Variants in NINJ2 observed in about 807,000 individuals in gnomAD.
NINJ2 encodes ninjurin 2, also known as ninjurin-2.
NINJ2 carries 12 observed loss-of-function variants against 11.7 expected under a neutral mutation model. The observed-to-expected ratio is 1.02, with a 90% CI of 0.66 to 1.66. The LOEUF (loss-of-function observed/expected upper bound fraction) is 1.66. Among genes scored for constraint, NINJ2 ranks in the 40% most tolerant of loss-of-function variants. The pLI, the probability that NINJ2 is intolerant of heterozygous loss-of-function variation, is 0.00. For missense variants in NINJ2, 187 were observed against 181.8 expected (o/e 1.03, Z -0.16); for synonymous variants, 93 against 76.8 (o/e 1.21, Z -1.10).
rs117684671 is a variant in NINJ2 at position 617,473 on chromosome 12, T to C, written c.33+45855A>G. Among the ~76,000 whole-genome samples the C allele has an allele frequency of 4.3e-3, 655 of 152,336 alleles. 33 individuals are homozygous for C. In the East Asian group the frequency reaches 0.11, roughly 25 times the overall value. On this transcript the variant is annotated intron_variant, in intron 1 of 3. Transcript: ENST00000305108. ...CCAGACCTGCCTCCACAACAGCTGA[T>C]GAGGCAAGTGTCCTGGCTGAAGCGC...
At chr12:603,316 A>G (rs938947814) in intron 1 of NINJ2, among the ~76,000 whole-genome samples, 1 of 152,232 alleles carries the variant, frequency 6.6e-6, no homozygotes, top group African/African-American at 2.4e-5. Flanking sequence ...TATTCTGTAT[A>G]CAAGTCCCTT....
chr12:659,654 C>T (rs891572777), intron 1 of NINJ2, among the ~76,000 whole-genome samples: 4 of 152,232 alleles, frequency 2.6e-5, no homozygotes, highest in African/African-American at 9.6e-5. Context: ...CCACTCTTCA[C>T]AGCCAGCTGT....
At chr12:638,543 A>G (rs1358130937) in intron 1 of NINJ2, among the ~76,000 whole-genome samples, 2 of 152,126 alleles carry the variant, frequency 1.3e-5, no homozygotes, top group South Asian at 2.1e-4. Flanking sequence ...AGCCTCCCAA[A>G]TGGCTGGGAC....
chr12:597,843 G>A (rs1218389805), intron 1 of NINJ2, among the ~76,000 whole-genome samples: 3 of 152,264 alleles, frequency 2.0e-5, no homozygotes, highest in Admixed American at 2.0e-4. Context: ...TGGAGGGTCT[G>A]GGGCATTGTT....
rs1948236770 is a variant in NINJ2, at chr12:628,747, GA to G, written c.33+34580del. Among the ~76,000 whole-genome samples, 1 of 152,134 alleles carries G rather than the reference GA, an allele frequency of 6.6e-6. No individual in the cohort carries two copies. The highest frequency in any genetic ancestry group is 6.5e-5 in the Admixed American group (1 of 15,274). On this transcript the variant is annotated intron_variant, in intron 1 of 3. Transcript: ENST00000305108. The surrounding 1 kb of genome is among the most constrained non-coding windows in gnomAD (Gnocchi z 4.4). ...GCCTGCCAAAACCCACCAAAACCAA[GA>G]TGGCAATGAAAGTGACCACTGGTTG... is the stretch of plus-strand genomic sequence containing the variant.
intron 1 of NINJ2, among the ~76,000 whole-genome samples, chr12:662,216 C>T (rs1033894634): frequency 5.3e-5 from 8 of 152,204 alleles, no homozygotes; most frequent in African/African-American, 9.6e-5. Context: ...GCAAGCCTTG[C>T]GGTGGGACCG....
At chr12:634,590 G>T (rs576255481) in intron 1 of NINJ2, among the ~76,000 whole-genome samples, 1 of 152,092 alleles carries the variant, frequency 6.6e-6, no homozygotes, top group East Asian at 1.9e-4. Flanking sequence ...TGCAGTAAAG[G>T]CCAAACACAC....
intron 1 of NINJ2, among the ~76,000 whole-genome samples, chr12:598,100 C>T (rs1210148268): frequency 1.3e-5 from 2 of 152,108 alleles, no homozygotes; most frequent in African/African-American, 4.8e-5. Context: ...AGCTTGTTAA[C>T]GGGTGGGAAA....
At chr12:662,409 C>CGAGAGAGAGAGAGAGAGA (rs111778018) in intron 1 of NINJ2, among the ~76,000 whole-genome samples, 127 of 147,516 alleles carry the variant, frequency 8.6e-4, no homozygotes, top group African/African-American at 2.7e-3. Flanking sequence ...ACACAGAGAA[C>CGAGAGAGAGAGAGAGAGA]GAGAGAGAGA....
At position 601,272 on chromosome 12, in the gene NINJ2, C is replaced by A. The variant is rs189617836; in HGVS notation, c.34-35094G>T. On this transcript the variant is annotated intron_variant, in intron 1 of 3. Coordinates refer to ENST00000305108, the MANE Select transcript of NINJ2 (RefSeq NM_016533.6). ...CTTTAAAAAAATAAAACAGGCCGGG[C>A]GCAGTGGCTCACGCCTGTAATCCCA... Among the ~76,000 whole-genome samples the A allele has an allele frequency of 6.3e-4, 96 of 152,124 alleles. No individual in the cohort carries two copies. In the East Asian group the frequency reaches 0.011, roughly 17 times the overall value.
chr12:624,447 T>C (rs1233234507), intron 1 of NINJ2, among the ~76,000 whole-genome samples: 1 of 152,168 alleles, frequency 6.6e-6, no homozygotes, highest in African/African-American at 2.4e-5. Context: ...GAGATCTGGA[T>C]TCACTTTCAA....
At chr12:576,069 C>T (rs1254130399) in intron 1 of NINJ2, among the ~76,000 whole-genome samples, 1 of 152,218 alleles carries the variant, frequency 6.6e-6, no homozygotes, top group East Asian at 1.9e-4. Flanking sequence ...TCAACAGTCT[C>T]TAATCCACGT....
At chr12:598,104 T>G (rs1407804145) in intron 1 of NINJ2, among the ~76,000 whole-genome samples, 1 of 152,028 alleles carries the variant, frequency 6.6e-6, no homozygotes, top group Non-Finnish European at 1.5e-5. Context: ...TGTTAACGGG[T>G]GGGAAAGGGA....
Position 580,690 on chromosome 12 carries a change from T to C in NINJ2, c.34-14512A>G, listed in dbSNP as rs558826898. Among the ~76,000 whole-genome samples, 1 of 152,298 alleles carries C rather than the reference T, an allele frequency of 6.6e-6. No homozygotes were observed. Among genetic ancestry groups the C allele is most frequent in the South Asian group, 2.1e-4 (1 of 4,830 alleles). On this transcript the variant is annotated intron_variant, in intron 1 of 3. Coordinates refer to ENST00000305108, the MANE Select transcript of NINJ2 (RefSeq NM_016533.6). This position sits in a 1 kb window ranked among gnomAD's most constrained non-coding sequence, Gnocchi z 4.7. ...GGTGAGCTGAACTCCATGAACCTCT[T>C]CTGTGGCACCTTCTGGGGGTGCCTG...
intron 1 of NINJ2, 54 bp from the exon 2 acceptor site, chr12:566,232 T>A: frequency 6.8e-7 from 1 of 1,462,362 alleles, no homozygotes; most frequent in South Asian, 1.2e-5. Context: ...GGGAAGCAGT[T>A]GAGAGGTGGG....
intron 1 of NINJ2, among the ~76,000 whole-genome samples, chr12:604,440 C>G (rs189826202): frequency 5.3e-5 from 8 of 152,082 alleles, no homozygotes; most frequent in African/African-American, 1.9e-4. Context: ...GAGTTCGAGA[C>G]GAGCCTGGTC....
intron 1 of NINJ2, among the ~76,000 whole-genome samples, chr12:619,658 C>T (rs1187241690): frequency 6.6e-6 from 1 of 152,192 alleles, no homozygotes; most frequent in Non-Finnish European, 1.5e-5. Context: ...AAGAGAGGGG[C>T]TTACACATTC....
rs1025927877 is a variant in NINJ2 at position 633,676 on chromosome 12, G to A, written c.33+29652C>T. ...ACTAAAATACAAAAATTAGCTGAGC[G>A]TGGTGCCACATGCCTGTAGTCCCAG... is the stretch of plus-strand genomic sequence containing the variant. On this transcript the variant is annotated intron_variant, in intron 1 of 3. Transcript: ENST00000305108. This position sits in a 1 kb window ranked among gnomAD's most constrained non-coding sequence, Gnocchi z 4.3. 1.3e-5 allele frequency among the ~76,000 whole-genome samples: 2 copies of A among 152,116 alleles called. No homozygotes were observed. The highest frequency in any genetic ancestry group is 6.5e-5 in the Admixed American group (1 of 15,270).
At chr12:600,267 G>T (rs1242598832) in intron 1 of NINJ2, among the ~76,000 whole-genome samples, 5 of 152,132 alleles carry the variant, frequency 3.3e-5, no homozygotes, top group African/African-American at 9.7e-5. Flanking sequence ...TACAAAATGG[G>T]TGGGGGCCAG....
Sources: gnomAD v4.1 joint callset for allele counts (sites outside exome capture counted in the v4.1 genomes callset) on GRCh38, gnomAD v4.1.1 for gene constraint, Gnocchi (gnomAD v3.1) non-coding constraint, MANE v1.5 for transcripts, NCBI Gene and HGNC (gene_info 2026-07-23, HGNC 2026-07-21) for gene names.